Variants in CLASP2 observed in about 807,000 individuals in gnomAD.
CLASP2 encodes cytoplasmic linker associated protein 2.
Under a neutral mutation model 194.4 loss-of-function variants are expected in CLASP2, and 47 were observed. That is an observed-to-expected ratio of 0.24 (90% CI 0.19 to 0.31). CLASP2 has a LOEUF of 0.31. Among genes scored for constraint, CLASP2 ranks in the 10% least tolerant of loss-of-function variants. The pLI is 1.00. For synonymous variants in CLASP2, 619 were observed against 633.5 expected (o/e 0.98, Z 0.34); for missense variants, 1,445 against 1,823.6 (o/e 0.79, Z 3.78).
At chr3:33,599,206 C>T (rs1047915572) in intron 18 of CLASP2, among the ~76,000 whole-genome samples, 3 of 152,126 alleles carry the variant, frequency 2.0e-5, no homozygotes, top group Non-Finnish European at 4.4e-5. Flanking sequence ...CTCACTGCAG[C>T]CTCTACTTCC....
intron 7 of CLASP2, among the ~76,000 whole-genome samples, chr3:33,649,748 ATAAG>A (rs958835120): frequency 2.6e-5 from 4 of 152,332 alleles, no homozygotes; most frequent in South Asian, 2.1e-4. Context: ...AAAGTAAATC[ATAAG>A]TAAGATCTTA....
rs754525665 is a variant in CLASP2 at position 33,560,932 on chromosome 3, G to C, written c.2806C>G (p.Gln936Glu). The change falls in exon 28 of 39, where the codon CAA becomes GAA. Residue 936 changes from glutamine to glutamate, a missense_variant. Physicochemically the swap from Gln to Glu is conservative, Grantham distance 29. Coordinates refer to ENST00000682230, the MANE Select transcript of CLASP2 (RefSeq NM_001365631.1). ...TCTTGAAGATCATCTTTGTGGACTT[G>C]TATGAAATCCACTAGAGTCTCCAAA... ...MFLETLVDFI[Q>E]VHKDDLQDWL... 59 of 1,613,568 alleles carry C rather than the reference G, an allele frequency of 3.7e-5. 1 individual carries two copies. The South Asian group carries it at 5.1e-4, about 14-fold the overall frequency.
chr3:33,506,617 CTCTG>C (rs1182750178), intron 37 of CLASP2, among the ~76,000 whole-genome samples: 2 of 151,970 alleles, frequency 1.3e-5, no homozygotes, highest in East Asian at 1.9e-4. Context: ...GAGCTTCCTA[CTCTG>C]TCTGCCATTT....
At chr3:33,510,470 C>G in intron 37 of CLASP2, 88 bp downstream of exon 37, 1 of 1,205,312 alleles carries the variant, frequency 8.3e-7, no homozygotes, top group South Asian at 1.4e-5. Context: ...AAGGCTTGAT[C>G]ATGCCAGTAA....
intron 21 of CLASP2, among the ~76,000 whole-genome samples, chr3:33,585,252 C>T (rs1337854600): frequency 6.6e-6 from 1 of 152,178 alleles, no homozygotes; most frequent in Non-Finnish European, 1.5e-5. Flanking sequence ...ACTTATCTGA[C>T]AATCCATTTC....
intron 12 of CLASP2, among the ~76,000 whole-genome samples, chr3:33,615,879 T>C (rs1255012074): frequency 6.6e-6 from 1 of 151,952 alleles, no homozygotes; most frequent in African/African-American, 2.4e-5. Flanking sequence ...TTACAAATGA[T>C]TGAAAACATA....
chr3:33,587,227 G>A (rs1163810799), intron 21 of CLASP2, among the ~76,000 whole-genome samples: 4 of 151,720 alleles, frequency 2.6e-5, no homozygotes, highest in Admixed American at 1.3e-4. Flanking sequence ...CCAGGTTCAC[G>A]CCATTCTCCT....
intron 32 of CLASP2, among the ~76,000 whole-genome samples, chr3:33,539,395 C>T (rs1435122957): frequency 3.3e-5 from 5 of 151,952 alleles, no homozygotes; most frequent in South Asian, 2.1e-4. Flanking sequence ...AATGTGATGG[C>T]GTGATCTCAG....
chr3:33,671,723 C>T (rs1199302823), intron 6 of CLASP2, among the ~76,000 whole-genome samples: 1 of 152,170 alleles, frequency 6.6e-6, no homozygotes, highest in African/African-American at 2.4e-5. Flanking sequence ...CCTGGAAAAT[C>T]GGGTCACTCC....
chr3:33,644,527 A>C, intron 8 of CLASP2: 1 of 508,720 alleles, frequency 2.0e-6, no homozygotes, highest in Non-Finnish European at 3.5e-6. Context: ...TCTGAAAAAT[A>C]AATACCCTCA....
At chr3:33,631,411 T>C (rs1312658896) in intron 9 of CLASP2, among the ~76,000 whole-genome samples, 1 of 152,152 alleles carries the variant, frequency 6.6e-6, no homozygotes, top group Non-Finnish European at 1.5e-5. Context: ...AAATATTCAT[T>C]GCAGGCTGGT....
At chr3:33,535,874 T>C (rs1315294499) in intron 33 of CLASP2, among the ~76,000 whole-genome samples, 2 of 149,104 alleles carry the variant, frequency 1.3e-5, no homozygotes, top group Non-Finnish European at 3.0e-5. Context: ...TACAACAGTA[T>C]GTCAAAAAAG....
At chr3:33,558,488 A>T (rs1344949651) in intron 29 of CLASP2, 1 of 152,064 alleles carries the variant, frequency 6.6e-6, no homozygotes, top group Non-Finnish European at 1.5e-5. Flanking sequence ...CCTGACTTTA[A>T]TCTCATTTAA....
At chr3:33,655,761 A>T (rs2084064827) in intron 7 of CLASP2, among the ~76,000 whole-genome samples, 3 of 152,288 alleles carry the variant, frequency 2.0e-5, no homozygotes, top group Admixed American at 1.3e-4. Flanking sequence ...ATACACACAT[A>T]CCAAGTTATA....
Position 33,533,026 on chromosome 3 carries a change from T to C in CLASP2, c.3787+2207A>G, listed in dbSNP as rs536410612. ...CTCCCAATTTTTAAGCTCTTGATCATTTTAAGATTAAAAAATACATATTTA... is the reference window on the plus strand; with the variant it reads ...CTCCCAATTTTTAAGCTCTTGATCACTTTAAGATTAAAAAATACATATTTA... On this transcript the variant is annotated intron_variant, in intron 34 of 38. Coordinates refer to ENST00000682230, the MANE Select transcript of CLASP2 (RefSeq NM_001365631.1). 4.6e-5 allele frequency among the ~76,000 whole-genome samples: 7 copies of C among 152,350 alleles called. No individual in the cohort carries two copies. In the East Asian group the frequency reaches 1.3e-3, roughly 29 times the overall value.
intron 10 of CLASP2, 144 bp downstream of exon 10, chr3:33,626,844 A>T (rs1412179776): frequency 3.4e-6 from 2 of 585,584 alleles, no homozygotes; most frequent in East Asian, 5.8e-5. Context: ...TATTATATCA[A>T]TATATTCTCC....
chr3:33,672,698 A>C (rs532262900), intron 6 of CLASP2, among the ~76,000 whole-genome samples: 2 of 152,326 alleles, frequency 1.3e-5, no homozygotes, highest in African/African-American at 4.8e-5. Flanking sequence ...CTTTGAAAAA[A>C]ATTTAGATGA....
At chr3:33,655,045 T>A (rs2083905788) in intron 7 of CLASP2, among the ~76,000 whole-genome samples, 2 of 152,120 alleles carry the variant, frequency 1.3e-5, no homozygotes, top group African/African-American at 4.8e-5. Context: ...ACACATGCCA[T>A]AATAGCCATA....
chr3:33,503,974 T>A (rs1469900564), intron 37 of CLASP2: 1 of 152,226 alleles, frequency 6.6e-6, no homozygotes, highest in Non-Finnish European at 1.5e-5. Flanking sequence ...TTTGTACATC[T>A]TCTTTGAAGA....
Sources: gnomAD v4.1 joint callset for allele counts (sites outside exome capture counted in the v4.1 genomes callset) on GRCh38, gnomAD v4.1.1 for gene constraint, MANE v1.5 for transcripts, NCBI Gene and HGNC (gene_info 2026-07-23, HGNC 2026-07-21) for gene names.